The following PATJ variants were observed in gnomAD, a reference collection of about 807,000 sequenced individuals.
PATJ encodes the protein PATJ crumbs cell polarity complex component.
A neutral mutation model predicts 224.9 loss-of-function variants in PATJ; 190 were observed. The ratio of observed to expected loss-of-function variants is 0.84; its 90% CI spans 0.75 to 0.95. The LOEUF (loss-of-function observed/expected upper bound fraction) is 0.95, where lower values mean the gene tolerates loss of function less well. Among genes scored for constraint, PATJ ranks in the 40% least tolerant of loss-of-function variants. The pLI, the probability that PATJ is intolerant of heterozygous loss-of-function variation, is 0.00. For synonymous variants in PATJ, 769 were observed against 820.3 expected, an observed-to-expected ratio of 0.94 and a Z score of 1.07; for missense variants, 2,121 against 2,270.3, an observed-to-expected ratio of 0.93 and a Z score of 1.34.
At chr1:62,157,843 AAAAAAAAAAAAAT>A (rs1191704263) in intron 43 of PATJ, among the ~76,000 whole-genome samples, 1 of 130,454 alleles carries the variant, frequency 7.7e-6, no homozygotes, top group African/African-American at 2.7e-5. Flanking sequence ...AAAAAAAAAA[AAAAAAAAAAAAAT>A]AATCCAAGCC....
intron 1 of PATJ, among the ~76,000 whole-genome samples, chr1:61,747,726 G>GA (rs1341402711): frequency 2.0e-5 from 3 of 151,966 alleles, no homozygotes; most frequent in Admixed American, 6.6e-5. Context: ...GGTGGAGGAA[G>GA]AAAAAACAAA....
At chr1:61,830,467 A>ACATTTCT (rs1659102708) in intron 16 of PATJ, among the ~76,000 whole-genome samples, 1 of 151,134 alleles carries the variant, frequency 6.6e-6, no homozygotes, top group Non-Finnish European at 1.5e-5. Context: ...TATTTCTGTG[A>ACATTTCT]CATTTTTCAC....
intron 14 of PATJ, among the ~76,000 whole-genome samples, chr1:61,814,519 AGTGTGT>A (rs67159092): frequency 5.3e-4 from 76 of 144,054 alleles, no homozygotes; most frequent in African/African-American, 1.0e-3. Context: ...CCTTTTGTTT[AGTGTGT>A]GTGTGTGTGT....
At chr1:62,152,665 A>AG (rs1486017341) in intron 42 of PATJ, among the ~76,000 whole-genome samples, 6 of 151,742 alleles carry the variant, frequency 4.0e-5, no homozygotes, top group Non-Finnish European at 7.4e-5. Context: ...GAAAAAAAAA[A>AG]GGTAAAAGAA....
chr1:61,949,840 T>C (rs1679357328), intron 27 of PATJ, among the ~76,000 whole-genome samples: 1 of 151,906 alleles, frequency 6.6e-6, no homozygotes, highest in African/African-American at 2.4e-5. Context: ...TGGCAGAGGC[T>C]GCAGTGAGCC....
In PATJ at chr1:61,787,788, AG is replaced by A. The variant is rs766104351; in HGVS notation, c.885del (p.Ile296LeufsTer9). 6.2e-7 allele frequency: 1 copy of A among 1,614,096 alleles called. No individual in the cohort carries two copies. Among genetic ancestry groups the A allele is most frequent in the Non-Finnish European group, 8.5e-7 (1 of 1,179,962 alleles). On this transcript the variant is annotated frameshift_variant, in exon 8 of 44. Transcript: ENST00000642238. LOFTEE classifies it high-confidence loss of function. ...GRLQTGDHIL[K>X]IGGTNVQGMT... ...CTCCAGACAGGGGACCACATCTTGAAGATTGGTGGCACAAACGTGCAGGGAA... is the reference window on the plus strand; with the variant it reads ...CTCCAGACAGGGGACCACATCTTGAAATTGGTGGCACAAACGTGCAGGGAA...
chr1:61,909,204 T>G (rs1013259501), intron 25 of PATJ, among the ~76,000 whole-genome samples: 2 of 152,166 alleles, frequency 1.3e-5, no homozygotes, highest in African/African-American at 4.8e-5. Flanking sequence ...GGTCTCAAAC[T>G]CCTGACCTCA....
intron 14 of PATJ, among the ~76,000 whole-genome samples, chr1:61,821,660 A>G (rs1416180121): frequency 6.6e-6 from 1 of 152,202 alleles, no homozygotes; most frequent in Admixed American, 6.5e-5. Flanking sequence ...GAGAAGAGGA[A>G]GAGAGCCACA....
chr1:61,960,775 G>T (rs146501436), intron 27 of PATJ, among the ~76,000 whole-genome samples: 2 of 152,186 alleles, frequency 1.3e-5, no homozygotes, highest in East Asian at 3.9e-4. Context: ...GATGCCAGTG[G>T]GTTCTCTAGA....
At chr1:61,853,552 C>T (rs1049896424) in intron 17 of PATJ, among the ~76,000 whole-genome samples, 1 of 152,120 alleles carries the variant, frequency 6.6e-6, no homozygotes, top group African/African-American at 2.4e-5. Context: ...ATAAAAAAGC[C>T]TTTCATCAAA....
intron 27 of PATJ, among the ~76,000 whole-genome samples, chr1:61,962,495 T>C (rs1041431464): frequency 6.6e-6 from 1 of 152,152 alleles, no homozygotes; most frequent in Non-Finnish European, 1.5e-5. Flanking sequence ...AAAGCAGATA[T>C]AAGGCAAATC....
chr1:62,048,976 G>A (rs1465268700), intron 30 of PATJ, among the ~76,000 whole-genome samples: 3 of 152,128 alleles, frequency 2.0e-5, no homozygotes, highest in African/African-American at 4.8e-5. Context: ...TACTTAACCT[G>A]TACTCAGGTT....
chr1:62,141,462 G>A (rs7546744), intron 41 of PATJ, among the ~76,000 whole-genome samples: 5,260 of 152,204 alleles, frequency 0.035, 162 homozygotes, highest in South Asian at 0.13. Context: ...ATCACTTGAG[G>A]CCAGGAGTTC....
chr1:61,778,942 A>G (rs894089652), intron 7 of PATJ, among the ~76,000 whole-genome samples: 4 of 151,930 alleles, frequency 2.6e-5, no homozygotes, highest in Non-Finnish European at 5.9e-5. Flanking sequence ...CTTATGATCC[A>G]TCTGCCTCGG....
chr1:62,160,447 CTA>C (rs1392485460), intron 43 of PATJ, among the ~76,000 whole-genome samples: 5 of 152,166 alleles, frequency 3.3e-5, no homozygotes, highest in Non-Finnish European at 5.9e-5. Flanking sequence ...CATTTAAAGA[CTA>C]CACTTATTTT....
intron 27 of PATJ, among the ~76,000 whole-genome samples, chr1:61,955,173 G>T (rs1343770902): frequency 6.6e-6 from 1 of 152,106 alleles, no homozygotes; most frequent in African/African-American, 2.4e-5. Context: ...TCTTTTTATA[G>T]AATGCTTGGA....
chr1:61,796,957 C>G lies in PATJ; in HGVS notation c.1261-330C>G, dbSNP rs558941189. 1.8e-4 allele frequency among the ~76,000 whole-genome samples: 28 copies of G among 152,108 alleles called. 1 individual carries two copies. The highest frequency in any genetic ancestry group is 1.6e-3 in the Admixed American group (25 of 15,248). On this transcript the variant is annotated intron_variant, in intron 10 of 43. Transcript: ENST00000642238. ...TCTTGGCTCACTCCAACCACTGCCTCCCAGGTTCAAGCGATTCTCCTGCCT... is the reference window on the plus strand; with the variant it reads ...TCTTGGCTCACTCCAACCACTGCCTGCCAGGTTCAAGCGATTCTCCTGCCT...
At position 61,769,420 on chromosome 1, in the gene PATJ, C is replaced by G. The variant is rs1199215792; in HGVS notation, c.522C>G (p.Asp174Glu). 19 of 1,612,222 alleles carry G rather than the reference C, an allele frequency of 1.2e-5. No individual in the cohort carries two copies. Among genetic ancestry groups the G allele is most frequent in the Non-Finnish European group, 1.4e-5 (17 of 1,179,518 alleles). Residue 174 changes from aspartate (D) to glutamate (E), a missense_variant and splice_region_variant, in exon 5 of 44, where the codon GAC (aspartate) becomes GAG (glutamate). Coordinates refer to ENST00000642238, the MANE Select transcript of PATJ (RefSeq NM_001350145.3). ...VKDVQPGSVADRDQRLKENDQ... is the reference protein window; with the variant it reads ...VKDVQPGSVAERDQRLKENDQ... ...ATGTCCAGCCAGGGAGTGTAGCAGACAGGTGAGGAAGCTGTTTATTTTCAT... is the reference window on the plus strand; with the variant it reads ...ATGTCCAGCCAGGGAGTGTAGCAGAGAGGTGAGGAAGCTGTTTATTTTCAT...
In PATJ at chr1:62,148,307, C is replaced by T. The variant is rs765532075; in HGVS notation, c.5295C>T (p.Ser1765=). 1.2e-5 allele frequency: 20 copies of T among 1,613,428 alleles called. No homozygotes were observed. The highest frequency in any genetic ancestry group is 1.5e-5 in the Non-Finnish European group (18 of 1,179,702). Reference sequence around the variant, plus strand: ...AGGTTGTAGCAGATACCAATATAAGCGCCATAGCAGCTCAGCTTGAAAACA... The same window carrying T: ...AGGTTGTAGCAGATACCAATATAAGTGCCATAGCAGCTCAGCTTGAAAACA... The part of the protein sequence containing the change: ...ILQVVADTNI[S]AIAAQLENMS... Residue 1765 remains serine (S), a synonymous_variant, in exon 42 of 44, where the codon AGC becomes AGT. Coordinates refer to ENST00000642238, the MANE Select transcript of PATJ (RefSeq NM_001350145.3).
Sources: gnomAD v4.1 joint callset for allele counts (sites outside exome capture counted in the v4.1 genomes callset) on GRCh38, gnomAD v4.1.1 for gene constraint, MANE v1.5 for transcripts, NCBI Gene and HGNC (gene_info 2026-07-23, HGNC 2026-07-21) for gene names.